Variants in KCNIP4 observed in about 807,000 individuals in gnomAD.
KCNIP4 encodes the protein Kv channel-interacting protein 4.
A neutral mutation model predicts 34.0 loss-of-function variants in KCNIP4; 12 were observed. The observed-to-expected ratio is 0.35, with a 90% CI of 0.23 to 0.57. The LOEUF is 0.57. Ranked by LOEUF, KCNIP4 falls within the 20% of genes least tolerant of loss-of-function variation. The pLI is 0.83. For missense variants in KCNIP4, 238 were observed against 311.7 expected (o/e 0.76, Z 1.78); for synonymous variants, 124 against 102.2 (o/e 1.21, Z -1.29).
intron 1 of KCNIP4, among the ~76,000 whole-genome samples, chr4:21,376,335 T>C (rs1720957245): frequency 6.6e-6 from 1 of 152,180 alleles, no homozygotes; most frequent in South Asian, 2.1e-4. Context: ...AATCTTAGGA[T>C]GGTATGCAAG....
rs369373489 is a variant in KCNIP4 at position 21,809,398 on chromosome 4, T to C, written c.61+139173A>G. ...TTTGATTCAAATTGAATTACACCAC[T>C]GGACTTCCAGGTTCTCCAGCTTGCA... On this transcript the variant is annotated intron_variant, in intron 1 of 8. Transcript: ENST00000382152. Among the ~76,000 whole-genome samples the C allele has an allele frequency of 2.5e-3, 379 of 152,276 alleles. 6 individuals are homozygous for C. The highest frequency in any genetic ancestry group is 0.019 in the South Asian group (92 of 4,826).
At chr4:21,278,166 A>G (rs1424616406) in intron 1 of KCNIP4, among the ~76,000 whole-genome samples, 2 of 152,172 alleles carry the variant, frequency 1.3e-5, no homozygotes, top group Non-Finnish European at 2.9e-5. Flanking sequence ...TCAGAAGAGG[A>G]TGTGGAATGT....
At chr4:21,093,039 T>C (rs1316210397) in intron 1 of KCNIP4, among the ~76,000 whole-genome samples, 2 of 152,298 alleles carry the variant, frequency 1.3e-5, no homozygotes, top group African/African-American at 4.8e-5. Flanking sequence ...TAAAGATAAA[T>C]AATTTAAAAG....
chr4:21,925,664 C>T (rs1252033148), intron 1 of KCNIP4, among the ~76,000 whole-genome samples: 2 of 152,118 alleles, frequency 1.3e-5, no homozygotes, highest in African/African-American at 4.8e-5. Context: ...AATGTTACTT[C>T]TTCATGAAGG....
chr4:21,090,105 C>T (rs557676207), intron 1 of KCNIP4, among the ~76,000 whole-genome samples: 1 of 152,124 alleles, frequency 6.6e-6, no homozygotes, highest in Non-Finnish European at 1.5e-5. Flanking sequence ...ATCAGTAGCC[C>T]CTCTCCCCTG....
At chr4:21,363,673 T>A (rs1352837911) in intron 1 of KCNIP4, among the ~76,000 whole-genome samples, 1 of 152,180 alleles carries the variant, frequency 6.6e-6, no homozygotes, top group Non-Finnish European at 1.5e-5. Flanking sequence ...AATTCAAAGA[T>A]GATGATTTTG....
At chr4:21,140,531 T>TAA (rs1419500313) in intron 1 of KCNIP4, among the ~76,000 whole-genome samples, 2,522 of 152,206 alleles carry the variant, frequency 0.017, 71 homozygotes, top group African/African-American at 0.055. Context: ...TTTAAAACTT[T>TAA]ATGCTAATAA....
At chr4:21,084,753 G>A (rs937163912) in intron 1 of KCNIP4, among the ~76,000 whole-genome samples, 1 of 150,530 alleles carries the variant, frequency 6.6e-6, no homozygotes, top group Non-Finnish European at 1.5e-5. Context: ...TCTCTCACTT[G>A]GATGCCTAAA....
intron 1 of KCNIP4, among the ~76,000 whole-genome samples, chr4:21,510,979 G>T (rs1734266029): frequency 6.6e-6 from 1 of 152,144 alleles, no homozygotes; most frequent in African/African-American, 2.4e-5. Context: ...GGGAGGCAGA[G>T]GTTGTAGCGA....
chr4:21,570,327 C>T (rs1166384221), intron 1 of KCNIP4, among the ~76,000 whole-genome samples: 2 of 152,078 alleles, frequency 1.3e-5, no homozygotes, highest in Admixed American at 1.3e-4. Flanking sequence ...GAGGTATTTC[C>T]CGTTTCCTGA....
chr4:21,747,383 G>A (rs944076566), intron 1 of KCNIP4, among the ~76,000 whole-genome samples: 6 of 152,068 alleles, frequency 3.9e-5, no homozygotes, highest in South Asian at 2.1e-4. Context: ...TTCTGTAGAC[G>A]CCTCAATAAC....
At chr4:21,157,836 A>G (rs1481118754) in intron 1 of KCNIP4, among the ~76,000 whole-genome samples, 1 of 152,134 alleles carries the variant, frequency 6.6e-6, no homozygotes, top group Non-Finnish European at 1.5e-5. Context: ...TAATCAGAGC[A>G]GAAAACAGTA....
chr4:20,808,848 C>T (rs1178018025), intron 3 of KCNIP4, among the ~76,000 whole-genome samples: 2 of 152,208 alleles, frequency 1.3e-5, no homozygotes, highest in East Asian at 3.9e-4. Context: ...CCCATCTCCA[C>T]CTCATCATGC....
chr4:21,119,982 A>T (rs1272586322), intron 1 of KCNIP4, among the ~76,000 whole-genome samples: 1 of 152,184 alleles, frequency 6.6e-6, no homozygotes, highest in Non-Finnish European at 1.5e-5. Flanking sequence ...GGTGTTGAGC[A>T]GGGTGTGAGA....
At chr4:20,977,533 G>C (rs1231913251) in intron 1 of KCNIP4, among the ~76,000 whole-genome samples, 1 of 152,070 alleles carries the variant, frequency 6.6e-6, no homozygotes, top group Non-Finnish European at 1.5e-5. Context: ...TAAAATTATA[G>C]CTCTCCTCTT....
At chr4:21,769,061 T>C (rs145989832) in intron 1 of KCNIP4, among the ~76,000 whole-genome samples, 1 of 152,190 alleles carries the variant, frequency 6.6e-6, no homozygotes, top group African/African-American at 2.4e-5. Flanking sequence ...GACTTCAAAA[T>C]GGGAAGGCCT....
intron 1 of KCNIP4, among the ~76,000 whole-genome samples, chr4:21,038,401 A>C (rs751821706): frequency 3.3e-5 from 5 of 152,140 alleles, no homozygotes; most frequent in African/African-American, 4.8e-5. Flanking sequence ...GAGTTCAGAG[A>C]TGCCACAGAT....
At chr4:21,588,219 T>C (rs1246433084) in intron 1 of KCNIP4, among the ~76,000 whole-genome samples, 4 of 152,196 alleles carry the variant, frequency 2.6e-5, no homozygotes, top group African/African-American at 7.2e-5. Context: ...TCTATGTAGA[T>C]AGTGGTCAGA....
intron 2 of KCNIP4, among the ~76,000 whole-genome samples, chr4:20,866,568 G>T (rs1022428502): frequency 6.6e-6 from 1 of 151,944 alleles, no homozygotes; most frequent in African/African-American, 2.4e-5. Flanking sequence ...ATGGGCAAAA[G>T]CTCCAACCAT....
Sources: allele counts gnomAD v4.1 joint callset (sites outside exome capture counted in the v4.1 genomes callset), GRCh38; gene constraint gnomAD v4.1.1; transcripts MANE v1.5; gene names NCBI Gene and HGNC (gene_info 2026-07-23, HGNC 2026-07-21).